The following PLCB1 variants were observed in gnomAD, a reference collection of about 807,000 sequenced individuals.
PLCB1 encodes phospholipase C beta 1, also known as 1-phosphatidylinositol 4,5-bisphosphate phosphodiesterase beta-1.
Under a neutral mutation model 161.8 loss-of-function variants are expected in PLCB1, and 46 were observed. The observed-to-expected ratio is 0.28, with a 90% CI of 0.22 to 0.36. PLCB1 has a LOEUF of 0.36. Ranked by LOEUF, PLCB1 falls within the 10% of genes least tolerant of loss-of-function variation. The probability of loss-of-function intolerance (pLI) is 1.00; values close to 1 mark genes in which losing one functional copy is unlikely to be tolerated. For missense variants in PLCB1, 1,016 were observed against 1,472.5 expected (o/e 0.69, Z 5.07); for synonymous variants, 517 against 503.7 (o/e 1.03, Z -0.35).
intron 31 of PLCB1, among the ~76,000 whole-genome samples, chr20:8,849,889 TGTA>T (rs2146300418): frequency 6.6e-6 from 1 of 151,740 alleles, no homozygotes; most frequent in Non-Finnish European, 1.5e-5. Context: ...GGTGCAGGCC[TGTA>T]GTCCCAGCTA....
chr20:8,540,149 AAAAAG>A (rs2122951538), intron 3 of PLCB1, among the ~76,000 whole-genome samples: 1 of 152,104 alleles, frequency 6.6e-6, no homozygotes, highest in South Asian at 2.1e-4. Flanking sequence ...ATACTAAAGA[AAAAAG>A]AAAGTTTGCA....
At chr20:8,643,804 C>T (rs1600220279) in intron 4 of PLCB1, among the ~76,000 whole-genome samples, 1 of 142,658 alleles carries the variant, frequency 7.0e-6, no homozygotes, top group Non-Finnish European at 1.6e-5. Flanking sequence ...TCCCCATGGT[C>T]TCCCTCTCCC....
At chr20:8,531,206 T>G (rs974779907) in intron 3 of PLCB1, among the ~76,000 whole-genome samples, 4 of 152,036 alleles carry the variant, frequency 2.6e-5, no homozygotes, top group African/African-American at 9.7e-5. Context: ...TGTTAACAAT[T>G]ATTCAGACCC....
chr20:8,355,745 A>C (rs1238024870), intron 2 of PLCB1, among the ~76,000 whole-genome samples: 7 of 152,196 alleles, frequency 4.6e-5, no homozygotes, highest in Admixed American at 3.3e-4. Flanking sequence ...TGGAGAGAAG[A>C]GTAGCACCAT....
At position 8,790,219 on chromosome 20, in the gene PLCB1, A is replaced by G; in HGVS notation, c.3381A>G (p.Lys1127=). ...AACGGCAAGAAAAACTCGTAGAGAA[A>G]CACAAGGAAATACGTCAGCAGATCC... ...QSKRQEKLVE[K]HKEIRQQILD... is the part of the protein sequence containing the mutation. The change falls in exon 31 of 32, where the codon AAA becomes AAG. Residue 1127 remains lysine, a synonymous_variant. Coordinates refer to ENST00000338037, the MANE Select transcript of PLCB1 (RefSeq NM_015192.4). The G allele has an allele frequency of 1.2e-6, 2 of 1,612,274 alleles. No homozygotes were observed. Among genetic ancestry groups the G allele is most frequent in the Non-Finnish European group, 1.7e-6 (2 of 1,178,778 alleles).
chr20:8,490,130 C>A (rs1268872608), intron 3 of PLCB1, among the ~76,000 whole-genome samples: 1 of 152,146 alleles, frequency 6.6e-6, no homozygotes, highest in East Asian at 1.9e-4. Context: ...CCTCACTGAG[C>A]CTCTCTCTTC....
At chr20:8,406,059 T>C (rs1978774616) in intron 3 of PLCB1, among the ~76,000 whole-genome samples, 2 of 152,078 alleles carry the variant, frequency 1.3e-5, no homozygotes, top group South Asian at 4.1e-4. Flanking sequence ...CAGCCCATCA[T>C]TGCCTGTATG....
chr20:8,795,783 G>A (rs1983991887), intron 31 of PLCB1, among the ~76,000 whole-genome samples: 1 of 151,650 alleles, frequency 6.6e-6, no homozygotes. Flanking sequence ...GCTGAGGCAG[G>A]AGAATCACTG....
At chr20:8,384,955 C>T (rs1247120790) in intron 3 of PLCB1, among the ~76,000 whole-genome samples, 3 of 152,120 alleles carry the variant, frequency 2.0e-5, no homozygotes, top group Non-Finnish European at 1.5e-5. Flanking sequence ...CGAGTAGGAT[C>T]GCTCCTGTAT....
intron 3 of PLCB1, among the ~76,000 whole-genome samples, chr20:8,384,164 A>G (rs1291775062): frequency 1.3e-5 from 2 of 151,898 alleles, no homozygotes; most frequent in South Asian, 2.1e-4. Flanking sequence ...ACTCCATTCA[A>G]TCGTAGGTTC....
intron 4 of PLCB1, among the ~76,000 whole-genome samples, chr20:8,629,778 G>GTTCC (rs144179048): frequency 0.019 from 2,197 of 117,198 alleles, 22 homozygotes; most frequent in East Asian, 0.068. Context: ...TGTTGGCCTG[G>GTTCC]TTCCTTCCTT....
chr20:8,228,425 G>A (rs1188873230), intron 2 of PLCB1, among the ~76,000 whole-genome samples: 1 of 151,968 alleles, frequency 6.6e-6, no homozygotes, highest in Admixed American at 6.6e-5. Flanking sequence ...TGCTGGAATG[G>A]CCTCCTGACA....
At chr20:8,165,290 T>A (rs2051663815) in intron 2 of PLCB1, among the ~76,000 whole-genome samples, 1 of 152,218 alleles carries the variant, frequency 6.6e-6, no homozygotes, top group African/African-American at 2.4e-5. Flanking sequence ...GTAAGGAAAG[T>A]AGAACTTATT....
chr20:8,779,831 A>G (rs539121156), intron 27 of PLCB1, among the ~76,000 whole-genome samples: 85 of 152,350 alleles, frequency 5.6e-4, no homozygotes, highest in African/African-American at 1.9e-3. Flanking sequence ...ACAGCTTGTC[A>G]TCAAGTTGAG....
chr20:8,212,347 A>AT (rs1978870666), intron 2 of PLCB1, among the ~76,000 whole-genome samples: 1 of 152,116 alleles, frequency 6.6e-6, no homozygotes, highest in African/African-American at 2.4e-5. Flanking sequence ...TAATTGTTCA[A>AT]TTTTTTCCAG....
chr20:8,619,596 A>G (rs1988123772), intron 3 of PLCB1, among the ~76,000 whole-genome samples: 1 of 152,158 alleles, frequency 6.6e-6, no homozygotes, highest in Non-Finnish European at 1.5e-5. Context: ...TCACCACACT[A>G]ATGATATAAG....
intron 2 of PLCB1, among the ~76,000 whole-genome samples, chr20:8,202,176 A>C (rs942186925): frequency 1.3e-5 from 2 of 152,162 alleles, no homozygotes; most frequent in African/African-American, 2.4e-5. Flanking sequence ...TCCTGGGTTC[A>C]TGCAATTCTC....
At chr20:8,823,976 G>T (rs1985562563) in intron 31 of PLCB1, among the ~76,000 whole-genome samples, 1 of 149,494 alleles carries the variant, frequency 6.7e-6, no homozygotes, top group African/African-American at 2.5e-5. Context: ...GCATCTCACA[G>T]GGTTGGCAAT....
intron 3 of PLCB1, among the ~76,000 whole-genome samples, chr20:8,435,654 A>G (rs1055992079): frequency 6.6e-6 from 1 of 152,180 alleles, no homozygotes; most frequent in African/African-American, 2.4e-5. Flanking sequence ...ATTGAATTCT[A>G]CCGTCAACCT....
Sources: allele counts gnomAD v4.1 joint callset (sites outside exome capture counted in the v4.1 genomes callset), GRCh38; gene constraint gnomAD v4.1.1; transcripts MANE v1.5; gene names NCBI Gene and HGNC (gene_info 2026-07-23, HGNC 2026-07-21).